The following PLCB4 variants were observed in gnomAD, a reference collection of about 807,000 sequenced individuals.
PLCB4 encodes the protein 1-phosphatidylinositol 4,5-bisphosphate phosphodiesterase beta-4.
In PLCB4, 77 loss-of-function variants were observed where a neutral mutation model predicts 178.8. The ratio of observed to expected loss-of-function variants is 0.43; its 90% CI spans 0.36 to 0.52. The LOEUF is 0.52. Ranked by LOEUF, PLCB4 falls within the 20% of genes least tolerant of loss-of-function variation. The pLI, the probability that PLCB4 is intolerant of heterozygous loss-of-function variation, is 0.00. For synonymous variants in PLCB4, 496 were observed against 490.8 expected, an observed-to-expected ratio of 1.01 and a Z score of -0.14; for missense variants, 1,024 against 1,453.4, an observed-to-expected ratio of 0.70 and a Z score of 4.80.
chr20:9,104,238 C>T (rs2091282166), intron 2 of PLCB4, among the ~76,000 whole-genome samples: 1 of 152,136 alleles, frequency 6.6e-6, no homozygotes, highest in Non-Finnish European at 1.5e-5. Flanking sequence ...TGTGGGCTCT[C>T]AATGGACTGC....
chr20:9,186,671 TCTC>T (rs1287084128), intron 2 of PLCB4, among the ~76,000 whole-genome samples: 1 of 152,198 alleles, frequency 6.6e-6, no homozygotes, highest in Admixed American at 6.5e-5. Flanking sequence ...TGCTGCCTCT[TCTC>T]CTTTCCAGTG....
chr20:9,442,484 G>A (rs1380790733), intron 30 of PLCB4, among the ~76,000 whole-genome samples: 2 of 151,434 alleles, frequency 1.3e-5, no homozygotes, highest in African/African-American at 2.4e-5. Context: ...TTATGTTTTT[G>A]TAGGTTCCTT....
At chr20:9,233,070 G>T (rs558384766) in intron 3 of PLCB4, among the ~76,000 whole-genome samples, 1 of 152,182 alleles carries the variant, frequency 6.6e-6, no homozygotes, top group South Asian at 2.1e-4. Context: ...TGCCAAAATG[G>T]AAGCAGATTT....
chr20:9,210,463 G>A (rs938547885), intron 2 of PLCB4, among the ~76,000 whole-genome samples: 1 of 152,066 alleles, frequency 6.6e-6, no homozygotes, highest in African/African-American at 2.4e-5. Context: ...CACTTGGGTC[G>A]GTGAGAGGAG....
At chr20:9,356,090 G>A (rs534240313) in intron 7 of PLCB4, among the ~76,000 whole-genome samples, 12 of 152,316 alleles carry the variant, frequency 7.9e-5, no homozygotes, top group African/African-American at 2.6e-4. Context: ...CTGCATAAAT[G>A]TCTTCTTTTG....
At chr20:9,102,203 A>C (rs1046239334) in intron 2 of PLCB4, among the ~76,000 whole-genome samples, 1 of 152,182 alleles carries the variant, frequency 6.6e-6, no homozygotes, top group Non-Finnish European at 1.5e-5. Flanking sequence ...AGATTGCGGT[A>C]ACTGAGAATG....
intron 3 of PLCB4, among the ~76,000 whole-genome samples, chr20:9,276,830 C>G (rs2094454395): frequency 6.6e-6 from 1 of 152,072 alleles, no homozygotes; most frequent in Non-Finnish European, 1.5e-5. Flanking sequence ...CAGTTTCATA[C>G]TTGGGAGGCT....
intron 12 of PLCB4, among the ~76,000 whole-genome samples, chr20:9,375,323 A>G (rs915121017): frequency 1.3e-5 from 2 of 152,150 alleles, no homozygotes; most frequent in African/African-American, 2.4e-5. Context: ...GACAGAGCTC[A>G]CTCAAGAAAG....
chr20:9,363,090 T>A, intron 8 of PLCB4, 115 bp downstream of exon 8: 2 of 746,512 alleles, frequency 2.7e-6, no homozygotes, highest in South Asian at 3.0e-5. Context: ...TTTCCCTCCA[T>A]GCTCCTGACC....
chr20:9,130,674 C>G (rs575528925), intron 2 of PLCB4, among the ~76,000 whole-genome samples: 1 of 152,168 alleles, frequency 6.6e-6, no homozygotes, highest in Non-Finnish European at 1.5e-5. Flanking sequence ...ACAAACTTAT[C>G]TGATTTCATA....
chr20:9,272,117 A>T (rs900734121), intron 3 of PLCB4, among the ~76,000 whole-genome samples: 1 of 151,878 alleles, frequency 6.6e-6, no homozygotes, highest in Non-Finnish European at 1.5e-5. Flanking sequence ...AGTCAAGGTT[A>T]CAGTGAACTA....
At chr20:9,247,923 AT>A (rs2094141843) in intron 3 of PLCB4, among the ~76,000 whole-genome samples, 2 of 152,096 alleles carry the variant, frequency 1.3e-5, no homozygotes, top group African/African-American at 4.8e-5. Context: ...CTTAAAAAAC[AT>A]TTTTCTTTCA....
intron 10 of PLCB4, among the ~76,000 whole-genome samples, 186 bp from the exon 11 acceptor site, chr20:9,372,117 C>T (rs1405459943): frequency 2.6e-5 from 4 of 152,292 alleles, no homozygotes; most frequent in African/African-American, 7.2e-5. Context: ...CTGATGTACA[C>T]GCACTGTTTT....
intron 2 of PLCB4, among the ~76,000 whole-genome samples, chr20:9,135,072 T>C (rs1315458055): frequency 2.0e-5 from 3 of 152,090 alleles, no homozygotes; most frequent in Non-Finnish European, 4.4e-5. Context: ...TATTGTTTCA[T>C]TTCAAGAGGG....
chr20:9,412,902 C>T (rs1282579939), intron 25 of PLCB4, among the ~76,000 whole-genome samples: 1 of 152,156 alleles, frequency 6.6e-6, no homozygotes, highest in South Asian at 2.1e-4. Context: ...TCCACTTTAC[C>T]ATGTTTAACA....
intron 4 of PLCB4, among the ~76,000 whole-genome samples, chr20:9,322,559 CAG>C (rs1432612090): frequency 6.6e-6 from 1 of 152,186 alleles, no homozygotes; most frequent in Non-Finnish European, 1.5e-5. Context: ...CTTTCTACTG[CAG>C]AGTTACGCTG....
At chr20:9,104,109 T>A (rs2091277771) in intron 2 of PLCB4, among the ~76,000 whole-genome samples, 1 of 152,070 alleles carries the variant, frequency 6.6e-6, no homozygotes, top group South Asian at 2.1e-4. Flanking sequence ...TGGCATCAGC[T>A]GGGGATATTT....
intron 2 of PLCB4, among the ~76,000 whole-genome samples, chr20:9,200,985 C>T (rs2093537111): frequency 6.6e-6 from 1 of 152,142 alleles, no homozygotes. Context: ...ATAAAATGAT[C>T]CTCAGCAGCA....
At chr20:9,440,528 C>G (rs1196775581) in intron 30 of PLCB4, among the ~76,000 whole-genome samples, 2 of 152,206 alleles carry the variant, frequency 1.3e-5, no homozygotes, top group Non-Finnish European at 1.5e-5. Flanking sequence ...GTAAGTTGAA[C>G]CATCTGTATG....
Sources: gnomAD v4.1 joint callset for allele counts (sites outside exome capture counted in the v4.1 genomes callset) on GRCh38, gnomAD v4.1.1 for gene constraint, MANE v1.5 for transcripts, NCBI Gene and HGNC (gene_info 2026-07-23, HGNC 2026-07-21) for gene names.